The following TTLL10 variants were observed in gnomAD, a reference collection of about 807,000 sequenced individuals.
TTLL10 encodes the protein inactive polyglycylase TTLL10.
A neutral mutation model predicts 69.0 loss-of-function variants in TTLL10; 61 were observed. The ratio of observed to expected loss-of-function variants is 0.88; its 90% CI spans 0.72 to 1.09. The LOEUF (loss-of-function observed/expected upper bound fraction) is 1.09, where lower values mean the gene tolerates loss of function less well. Ranked by LOEUF, TTLL10 falls within the 50% of genes least tolerant of loss-of-function variation. The pLI is 0.00. For synonymous variants in TTLL10, 408 were observed against 393.3 expected (o/e 1.04, Z -0.44); for missense variants, 962 against 945.9 (o/e 1.02, Z -0.22).
chr1:1,195,625 G>T (rs775367673), intron 13 of TTLL10, among the ~76,000 whole-genome samples: 1 of 150,894 alleles, frequency 6.6e-6, no homozygotes, highest in Admixed American at 6.6e-5. Flanking sequence ...GATTACAGAC[G>T]TGAGCCACTG....
At chr1:1,176,488 C>CCGGAGGGA in intron 3 of TTLL10, 2 of 441,028 alleles carry the variant, frequency 4.5e-6, no homozygotes, top group South Asian at 3.2e-5. Context: ...TCCAGGCTTC[C>CCGGAGGGA]CGGAGGGACG....
Position 1,180,460 on chromosome 1 carries a change from A to ACCCCCCCCCC in TTLL10, c.507-18_507-17insCCCCCCCCCC, listed in dbSNP as rs57269982. The ACCCCCCCCCC allele has an allele frequency of 7.2e-6, 8 of 1,107,354 alleles. No homozygotes were observed. In the Admixed American group the frequency reaches 8.9e-5, roughly 12 times the overall value. The allele number at this position is 1,107,354 out of a possible 1,614,324, so 68.6% of individuals were successfully genotyped here. A position where few individuals can be genotyped will look rare whatever the true frequency, so the allele number is the denominator to read the frequency against. ...AACCCCTTGCCTCGGCCCCCAGGTC[A>ACCCCCCCCCC]CCCCCGCCCCCACCCCTCGCAGCAT... On this transcript the variant is annotated intron_variant, in intron 6 of 15. Transcript: ENST00000379289.
rs559092896 is a variant in TTLL10, at chr1:1,186,045, T to C, written c.1401+936T>C. On this transcript the variant is annotated intron_variant, in intron 13 of 15. Coordinates refer to ENST00000379289, the MANE Select transcript of TTLL10 (RefSeq NM_001130045.2). ...CTCTCCTGTCTCCTTTCTCTTACCG[T>C]GGTGTTTTCAGGGTTCATCCACGTA... Among the ~76,000 whole-genome samples, 4 of 152,180 alleles carry C rather than the reference T, an allele frequency of 2.6e-5. No homozygotes were observed. The East Asian group carries it at 5.8e-4, about 22-fold the overall frequency.
chr1:1,179,674 C>G lies in TTLL10; in HGVS notation c.136C>G (p.Arg46Gly). The G allele has an allele frequency of 6.4e-7, 1 of 1,550,972 alleles. No homozygotes were observed. The highest frequency in any genetic ancestry group is 1.7e-4 in the Middle Eastern group (1 of 5,992). Reference sequence around the variant, plus strand: ...CCCTCCAGGGACCATCCCTGCGTCACGTCTGCACCCAGCACCGGCCTCACA... The same window carrying G: ...CCCTCCAGGGACCATCCCTGCGTCAGGTCTGCACCCAGCACCGGCCTCACA... ...ARVSGTIPAS[R>G]LHPAPASQPG... Residue 46 changes from arginine to glycine, a missense_variant, in exon 5 of 16, where the codon CGT (arginine) becomes GGT (glycine). Coordinates refer to ENST00000379289, the MANE Select transcript of TTLL10 (RefSeq NM_001130045.2).
chr1:1,195,463 A>G (rs9727857), intron 13 of TTLL10, among the ~76,000 whole-genome samples: 56,581 of 146,514 alleles, frequency 0.39, 12,746 homozygotes, highest in East Asian at 0.85. Flanking sequence ...TCTCTTCACC[A>G]GTATTCTCTA....
At chr1:1,176,720 C>A (rs1646881364) in intron 3 of TTLL10, among the ~76,000 whole-genome samples, 1 of 152,188 alleles carries the variant, frequency 6.6e-6, no homozygotes, top group African/African-American at 2.4e-5. Flanking sequence ...TCTCCCCGGG[C>A]CTCCCCTCTC....
At chr1:1,175,999 T>A (rs1054557544) in intron 3 of TTLL10, 16 of 432,630 alleles carry the variant, frequency 3.7e-5, no homozygotes, top group African/African-American at 3.7e-4. Flanking sequence ...AGGCTGCTGC[T>A]CCCAGCCACT....
Position 1,184,997 on chromosome 1 carries a change from T to C in TTLL10, c.1289T>C (p.Met430Thr), listed in dbSNP as rs116321663. 1.2e-6 allele frequency: 2 copies of C among 1,602,744 alleles called. No homozygotes were observed. Among genetic ancestry groups the C allele is most frequent in the East Asian group, 2.2e-5 (1 of 44,880 alleles). The change falls in exon 13 of 16, where the codon ATG becomes ACG. Residue 430 changes from methionine (M) to threonine (T), a missense_variant. Physicochemically the swap from Met to Thr is moderately conservative, Grantham distance 81. Transcript: ENST00000379289. The stretch of plus-strand genomic sequence containing the variant: ...ATGCAGAAGAAGAGCCCTCTGTACA[T>C]GCTGCTGAAGGAGCACACGGTGTGG... ...QFMQKKSPLY[M>T]LLKEHTVWSM...
In TTLL10 at chr1:1,197,715, C is replaced by T; in HGVS notation, c.1890C>T (p.Asp630=). The T allele has an allele frequency of 6.5e-7, 1 of 1,529,530 alleles. No individual in the cohort carries two copies. The highest frequency in any genetic ancestry group is 8.8e-7 in the Non-Finnish European group (1 of 1,141,922). The allele number at this position is 1,529,530 out of a possible 1,614,324, so 94.7% of individuals were successfully genotyped here. The part of the protein sequence containing the change: ...QRPRPPGPDL[D]SAHDGEPQAP... ...CCCGGCCACCCGGCCCCGACCTGGA[C>T]AGCGCCCACGATGGGGAGCCCCAGG... is the stretch of plus-strand genomic sequence containing the variant. Residue 630 remains aspartate (D), a synonymous_variant, in exon 16 of 16, where the codon GAC becomes GAT. Transcript: ENST00000379289.
At chr1:1,183,850 G>T in intron 11 of TTLL10, 70 bp from the exon 12 acceptor site, 1 of 1,586,466 alleles carries the variant, frequency 6.3e-7, no homozygotes, top group South Asian at 1.1e-5. Context: ...GGCCCGGGGT[G>T]GGGTGTGAGG....
At chr1:1,175,679 A>G (rs1227212845) in intron 3 of TTLL10, 2 of 456,420 alleles carry the variant, frequency 4.4e-6, no homozygotes, top group Admixed American at 4.7e-5. Context: ...CTGTCCTGAC[A>G]TTACATGTGG....
At chr1:1,195,568 C>T (rs1303420532) in intron 13 of TTLL10, among the ~76,000 whole-genome samples, 1 of 138,226 alleles carries the variant, frequency 7.2e-6, no homozygotes, top group African/African-American at 2.7e-5. Context: ...TTGTCTCGAA[C>T]TCCTGACCTC....
chr1:1,185,245 A>G lies in TTLL10; in HGVS notation c.1401+136A>G. ...CTGAAGTGTGACCTGACCGTGTGGAACCAAACCCTTCCAGCGTCTCTGCTC... is the reference window on the plus strand; with the variant it reads ...CTGAAGTGTGACCTGACCGTGTGGAGCCAAACCCTTCCAGCGTCTCTGCTC... On this transcript the variant is annotated intron_variant, in intron 13 of 15. Coordinates refer to ENST00000379289, the MANE Select transcript of TTLL10 (RefSeq NM_001130045.2). This position sits in a 1 kb window ranked among gnomAD's most constrained non-coding sequence, Gnocchi z 6.1. 5 of 1,463,550 alleles carry G rather than the reference A, an allele frequency of 3.4e-6. No individual in the cohort carries two copies. 90.7% of individuals were successfully genotyped at this position (1,463,550 alleles called of 1,614,324 possible). A position where few individuals can be genotyped will look rare whatever the true frequency, so the allele number is the denominator to read the frequency against.
At chr1:1,189,285 T>A (rs1053711302) in intron 13 of TTLL10, among the ~76,000 whole-genome samples, 1 of 152,208 alleles carries the variant, frequency 6.6e-6, no homozygotes, top group Non-Finnish European at 1.5e-5. Flanking sequence ...TCCCTTCTGT[T>A]CCTAATTGGT....
rs1647019941 is a variant in TTLL10, at chr1:1,180,471, C to G, written c.507-12C>G. On this transcript the variant is annotated splice_polypyrimidine_tract_variant and intron_variant, in intron 6 of 15. Coordinates refer to ENST00000379289, the MANE Select transcript of TTLL10 (RefSeq NM_001130045.2). ...TCGGCCCCCAGGTCACCCCCGCCCC[C>G]ACCCCTCGCAGCATCAGCTCCTACT... 1.3e-6 allele frequency: 2 copies of G among 1,547,370 alleles called. No homozygotes were observed. The highest frequency in any genetic ancestry group is 2.4e-5 in the East Asian group (1 of 41,094).
intron 13 of TTLL10, among the ~76,000 whole-genome samples, chr1:1,195,500 CTTT>C (rs1168016636): frequency 7.1e-5 from 7 of 98,770 alleles, no homozygotes; most frequent in East Asian, 8.3e-4. Context: ...CATCGTCATA[CTTT>C]TTTTTTTTTT....
chr1:1,186,044 G>A (rs72894017), intron 13 of TTLL10, among the ~76,000 whole-genome samples: 2,736 of 151,562 alleles, frequency 0.018, 40 homozygotes, highest in African/African-American at 0.046. Flanking sequence ...TTCTCTTACC[G>A]TGGTGTTTTC....
Position 1,185,241 on chromosome 1 carries a change from T to C in TTLL10, c.1401+132T>C, listed in dbSNP as rs74758268. 0.028 allele frequency: 41,604 copies of C among 1,475,984 alleles called. 685 individuals are homozygous for C. Among genetic ancestry groups the C allele is most frequent in the Non-Finnish European group, 0.03 (33,575 of 1,114,382 alleles). The allele number at this position is 1,475,984 out of a possible 1,614,324, so 91.4% of individuals were successfully genotyped here. A position where few individuals can be genotyped will look rare whatever the true frequency, so the allele number is the denominator to read the frequency against. ...TGCGCTGAAGTGTGACCTGACCGTG[T>C]GGAACCAAACCCTTCCAGCGTCTCT... On this transcript the variant is annotated intron_variant, in intron 13 of 15. Coordinates refer to ENST00000379289, the MANE Select transcript of TTLL10 (RefSeq NM_001130045.2). The surrounding 1 kb of genome is among the most constrained non-coding windows in gnomAD (Gnocchi z 6.1).
intron 15 of TTLL10, 66 bp downstream of exon 15, chr1:1,197,252 C>A (rs1648286149): frequency 2.8e-6 from 4 of 1,453,138 alleles, no homozygotes; most frequent in Non-Finnish European, 3.8e-6. Context: ...TACCTGCCCT[C>A]TTCCCAAGTT....
Sources: gnomAD v4.1 joint callset for allele counts (sites outside exome capture counted in the v4.1 genomes callset) on GRCh38, gnomAD v4.1.1 for gene constraint, Gnocchi (gnomAD v3.1) non-coding constraint, MANE v1.5 for transcripts, NCBI Gene and HGNC (gene_info 2026-07-23, HGNC 2026-07-21) for gene names.